NBEA: variants seen among roughly 807,000 people sequenced by gnomAD.
NBEA encodes lysosomal-trafficking regulator 2.
A neutral mutation model predicts 343.4 loss-of-function variants in NBEA; 44 were observed. The ratio of observed to expected loss-of-function variants is 0.13; its 90% CI spans 0.10 to 0.16. The LOEUF is 0.16. Among genes scored for constraint, NBEA ranks in the 10% least tolerant of loss-of-function variants. The probability of loss-of-function intolerance (pLI) is 1.00; values close to 1 mark genes in which losing one functional copy is unlikely to be tolerated. For synonymous variants in NBEA, 1,175 were observed against 1,238.7 expected (o/e 0.95, Z 1.08); for missense variants, 2,555 against 3,631.3 (o/e 0.70, Z 7.62).
intron 10 of NBEA, among the ~76,000 whole-genome samples, chr13:35,086,828 T>C (rs2064794446): frequency 6.6e-6 from 1 of 152,064 alleles, no homozygotes; most frequent in African/African-American, 2.4e-5. Flanking sequence ...GTTCTACTTA[T>C]AATAGCTGCT....
intron 18 of NBEA, among the ~76,000 whole-genome samples, chr13:35,143,830 C>A (rs2068233639): frequency 6.6e-6 from 1 of 150,744 alleles, no homozygotes; most frequent in South Asian, 2.1e-4. Context: ...CAAGGCTGCA[C>A]TGAGCTGAGA....
intron 8 of NBEA, among the ~76,000 whole-genome samples, chr13:35,064,512 A>G (rs1224585351): frequency 1.3e-5 from 2 of 152,082 alleles, no homozygotes; most frequent in Non-Finnish European, 1.5e-5. Context: ...CTGAAAATAC[A>G]GTTAATTTGT....
intron 1 of NBEA, among the ~76,000 whole-genome samples, chr13:34,960,534 T>C (rs2059629507): frequency 6.6e-6 from 1 of 152,110 alleles, no homozygotes; most frequent in Non-Finnish European, 1.5e-5. Flanking sequence ...CCAGAGCAAC[T>C]TCCAGTCTTG....
chr13:35,247,609 CA>C (rs2031397787), intron 34 of NBEA, among the ~76,000 whole-genome samples: 1 of 152,130 alleles, frequency 6.6e-6, no homozygotes, highest in Admixed American at 6.5e-5. Context: ...CCCACTTTCA[CA>C]GTTTGGACAC....
intron 47 of NBEA, among the ~76,000 whole-genome samples, chr13:35,605,637 A>G (rs1244664563): frequency 2.0e-5 from 3 of 152,208 alleles, no homozygotes; most frequent in Non-Finnish European, 4.4e-5. Context: ...AAAAAACAAC[A>G]AAAACTTTCA....
intron 57 of NBEA, 67 bp from the exon 58 acceptor site, chr13:35,668,301 G>A: frequency 6.7e-7 from 1 of 1,497,604 alleles, no homozygotes; most frequent in South Asian, 1.2e-5. Context: ...AAAATTGAGA[G>A]AAATGGTTGT....
In NBEA at chr13:35,655,021, C is replaced by G; in HGVS notation, c.8191+11C>G. 6.7e-7 allele frequency: 1 copy of G among 1,499,308 alleles called. No individual in the cohort carries two copies. Among genetic ancestry groups the G allele is most frequent in the Non-Finnish European group, 8.9e-7 (1 of 1,128,212 alleles). The allele number at this position is 1,499,308 out of a possible 1,614,324, so 92.9% of individuals were successfully genotyped here. ...ATTCTACAGAAACAGGTAATCCTAA[C>G]TATGAAACACCATATTCTCTTCAAA... On this transcript the variant is annotated intron_variant, in intron 54 of 58. Transcript: ENST00000379939.
At chr13:35,056,943 C>A (rs959558921) in intron 7 of NBEA, among the ~76,000 whole-genome samples, 30 of 152,048 alleles carry the variant, frequency 2.0e-4, no homozygotes, top group African/African-American at 6.5e-4. Context: ...TATAATAAAA[C>A]AAAGAGACTT....
chr13:35,432,593 G>A (rs1033621655), intron 39 of NBEA, among the ~76,000 whole-genome samples, 200 bp downstream of exon 39: 3 of 151,570 alleles, frequency 2.0e-5, no homozygotes, highest in Non-Finnish European at 4.4e-5. Context: ...ATATATTTTT[G>A]TAGCCTTCAA....
chr13:35,606,755 A>G (rs1378363249), intron 48 of NBEA, among the ~76,000 whole-genome samples, 177 bp downstream of exon 48: 1 of 152,176 alleles, frequency 6.6e-6, no homozygotes, highest in East Asian at 1.9e-4. Context: ...AGCATTCCTT[A>G]TTGTAGAGTG....
intron 41 of NBEA, among the ~76,000 whole-genome samples, chr13:35,488,851 C>T (rs569761713): frequency 6.6e-6 from 1 of 151,844 alleles, no homozygotes; most frequent in African/African-American, 2.4e-5. Context: ...GCAAAGAGGC[C>T]TCCCTTAAGT....
intron 10 of NBEA, among the ~76,000 whole-genome samples, chr13:35,072,541 CTTTTG>C (rs1334256292): frequency 1.3e-5 from 2 of 151,536 alleles, no homozygotes; most frequent in Non-Finnish European, 2.9e-5. Flanking sequence ...TCTATTATGT[CTTTTG>C]TTTGTTTGTT....
chr13:35,074,901 G>A (rs2152584031), intron 10 of NBEA, among the ~76,000 whole-genome samples: 1 of 152,118 alleles, frequency 6.6e-6, no homozygotes, highest in Admixed American at 6.6e-5. Flanking sequence ...TTGTACATTA[G>A]ATGTACTCGT....
At chr13:35,034,486 T>G (rs186242596) in intron 1 of NBEA, among the ~76,000 whole-genome samples, 2 of 151,724 alleles carry the variant, frequency 1.3e-5, no homozygotes, top group Admixed American at 6.6e-5. Context: ...TTTTATTTTA[T>G]TTTTTATGTG....
chr13:34,958,851 A>G (rs912085081), intron 1 of NBEA, among the ~76,000 whole-genome samples: 2 of 152,206 alleles, frequency 1.3e-5, no homozygotes, highest in Non-Finnish European at 2.9e-5. Flanking sequence ...AGAAAATTCA[A>G]GTTGGTCTGA....
chr13:35,042,624 C>G (rs949653536), intron 2 of NBEA, among the ~76,000 whole-genome samples: 1 of 151,752 alleles, frequency 6.6e-6, no homozygotes, highest in African/African-American at 2.4e-5. Context: ...AAGTTCATAT[C>G]TTGACATTGC....
At chr13:35,137,164 C>G (rs1455029380) in intron 17 of NBEA, among the ~76,000 whole-genome samples, 2 of 151,784 alleles carry the variant, frequency 1.3e-5, no homozygotes, top group African/African-American at 4.8e-5. Flanking sequence ...AGAAAAAAGC[C>G]CTTTGGCCGG....
chr13:35,238,451 T>C (rs186868550), intron 34 of NBEA, among the ~76,000 whole-genome samples: 1 of 152,346 alleles, frequency 6.6e-6, no homozygotes, highest in South Asian at 2.1e-4. Flanking sequence ...CCAGACCAAC[T>C]TCTCTTGCTT....
intron 17 of NBEA, among the ~76,000 whole-genome samples, chr13:35,129,888 A>T (rs141840836): frequency 3.3e-5 from 5 of 152,074 alleles, no homozygotes; most frequent in African/African-American, 9.7e-5. Flanking sequence ...AAGAAATATA[A>T]TATTTTAGTA....
Sources: gnomAD v4.1 joint callset for allele counts (sites outside exome capture counted in the v4.1 genomes callset) on GRCh38, gnomAD v4.1.1 for gene constraint, MANE v1.5 for transcripts, NCBI Gene and HGNC (gene_info 2026-07-23, HGNC 2026-07-21) for gene names.